Variants in ARHGEF28 observed in about 807,000 individuals in gnomAD.
ARHGEF28 encodes the protein Rho guanine nucleotide exchange factor 28, also known as 190 kDa guanine nucleotide exchange factor.
A neutral mutation model predicts 206.6 loss-of-function variants in ARHGEF28; 152 were observed. The ratio of observed to expected loss-of-function variants is 0.74; its 90% CI spans 0.64 to 0.84. ARHGEF28 has a LOEUF of 0.84. ARHGEF28 is among the 40% of genes least tolerant of loss of function. ARHGEF28 has a pLI of 0.00. For synonymous variants in ARHGEF28, 763 were observed against 776.4 expected, an observed-to-expected ratio of 0.98 and a Z score of 0.29; for missense variants, 2,028 against 2,073.2, an observed-to-expected ratio of 0.98 and a Z score of 0.42.
intron 16 of ARHGEF28, among the ~76,000 whole-genome samples, chr5:73,864,241 A>G (rs1206475830): frequency 1.3e-5 from 2 of 152,190 alleles, no homozygotes; most frequent in Non-Finnish European, 2.9e-5. Context: ...TTCCAGTGAG[A>G]TGACATTGTT....
Position 73,750,017 on chromosome 5 carries a change from A to G in ARHGEF28, c.181+33A>G, listed in dbSNP as rs758318686. On this transcript the variant is annotated intron_variant, in intron 3 of 35. Coordinates refer to ENST00000513042, the MANE Select transcript of ARHGEF28 (RefSeq NM_001177693.2). ...GTCCTCTTTGTTGTGCAGCTGGGAA[A>G]TTAGTCTGCAAATAACTTCCCTCCA... The G allele has an allele frequency of 8.7e-6, 14 of 1,607,758 alleles. No homozygotes were observed. The East Asian group carries it at 1.6e-4, about 18-fold the overall frequency.
chr5:73,779,688 C>T (rs953730948), intron 6 of ARHGEF28, among the ~76,000 whole-genome samples: 9 of 152,212 alleles, frequency 5.9e-5, no homozygotes, highest in Middle Eastern at 3.4e-3. Flanking sequence ...ATCACTACCC[C>T]TTAATATGGA....
intron 13 of ARHGEF28, among the ~76,000 whole-genome samples, chr5:73,850,281 T>G (rs1251483851): frequency 6.6e-6 from 1 of 152,048 alleles, no homozygotes; most frequent in African/African-American, 2.4e-5. Context: ...GATGTACTGT[T>G]AGAAGAGAAG....
At chr5:73,702,507 T>C (rs1190605268) in intron 2 of ARHGEF28, among the ~76,000 whole-genome samples, 2 of 152,216 alleles carry the variant, frequency 1.3e-5, no homozygotes, top group Non-Finnish European at 2.9e-5. Flanking sequence ...GGAACATTAA[T>C]GTACAAGTAT....
At chr5:73,799,750 T>C (rs1299314219) in intron 9 of ARHGEF28, among the ~76,000 whole-genome samples, 1 of 152,170 alleles carries the variant, frequency 6.6e-6, no homozygotes, top group Non-Finnish European at 1.5e-5. Flanking sequence ...AAACAAGAAC[T>C]GTGTGAGCAT....
At chr5:73,935,695 G>C (rs1176300346) in intron 35 of ARHGEF28, among the ~76,000 whole-genome samples, 1 of 152,132 alleles carries the variant, frequency 6.6e-6, no homozygotes, top group Non-Finnish European at 1.5e-5. Flanking sequence ...TAATGATAAA[G>C]CCCCCCGCCT....
intron 16 of ARHGEF28, among the ~76,000 whole-genome samples, chr5:73,859,569 A>C (rs188091179): frequency 2.0e-3 from 306 of 152,306 alleles, no homozygotes; most frequent in Middle Eastern, 6.8e-3. Flanking sequence ...ACTTTATTGC[A>C]TGTTTGAATT....
intron 9 of ARHGEF28, among the ~76,000 whole-genome samples, chr5:73,802,819 A>T (rs536077091): frequency 7.7e-6 from 1 of 129,248 alleles, no homozygotes; most frequent in Non-Finnish European, 1.7e-5. Flanking sequence ...AGGCATTTAC[A>T]AAAAAAAAAA....
At chr5:73,888,908 T>C (rs576327201) in intron 26 of ARHGEF28, among the ~76,000 whole-genome samples, 3 of 152,220 alleles carry the variant, frequency 2.0e-5, no homozygotes, top group Non-Finnish European at 1.5e-5. Flanking sequence ...TGTTTGGCTA[T>C]ACTGATACTA....
At chr5:73,866,593 C>A in intron 18 of ARHGEF28, among the ~76,000 whole-genome samples, 1 of 152,036 alleles carries the variant, frequency 6.6e-6, no homozygotes, top group East Asian at 1.9e-4. Flanking sequence ...TTAGAATGAC[C>A]GTGAAATTTC....
chr5:73,861,052 A>G (rs1759366767), intron 16 of ARHGEF28, among the ~76,000 whole-genome samples: 1 of 152,158 alleles, frequency 6.6e-6, no homozygotes, highest in African/African-American at 2.4e-5. Flanking sequence ...ACTCCTGCCT[A>G]TCACTTTCAT....
intron 5 of ARHGEF28, 147 bp downstream of exon 5, chr5:73,774,185 A>T: frequency 1.6e-6 from 1 of 632,012 alleles, no homozygotes; most frequent in Non-Finnish European, 2.4e-6. Flanking sequence ...ATATAAACAG[A>T]TATACTGGGA....
chr5:73,788,702 G>A (rs1038322223), intron 7 of ARHGEF28, among the ~76,000 whole-genome samples: 9 of 152,056 alleles, frequency 5.9e-5, no homozygotes, highest in African/African-American at 1.7e-4. Context: ...TTGTCTGCGT[G>A]TTTTATCAAA....
At chr5:73,643,612 C>T (rs1318910414) in intron 1 of ARHGEF28, among the ~76,000 whole-genome samples, 4 of 151,958 alleles carry the variant, frequency 2.6e-5, no homozygotes, top group African/African-American at 7.3e-5. Flanking sequence ...CACAGGAGTT[C>T]GAGACCAGCT....
chr5:73,921,048 T>C (rs779329901), intron 35 of ARHGEF28, among the ~76,000 whole-genome samples: 7 of 152,236 alleles, frequency 4.6e-5, no homozygotes, highest in Non-Finnish European at 7.3e-5. Context: ...AACTCTTTTT[T>C]TCTTCTGCTA....
intron 35 of ARHGEF28, among the ~76,000 whole-genome samples, chr5:73,915,748 T>C (rs1055815052): frequency 3.9e-5 from 6 of 152,216 alleles, no homozygotes; most frequent in African/African-American, 1.2e-4. Flanking sequence ...TTTGCCTTTT[T>C]CATTAACAGA....
chr5:73,852,571 T>C (rs1758771360), intron 13 of ARHGEF28, 79 bp from the exon 14 acceptor site: 10 of 1,218,558 alleles, frequency 8.2e-6, no homozygotes, highest in African/African-American at 1.5e-5. Flanking sequence ...TACAATATGG[T>C]TGAGTATGCA....
chr5:73,857,578 CACACACACAT>C (rs1759126401), intron 14 of ARHGEF28, 68 bp from the exon 15 acceptor site: 61 of 1,418,678 alleles, frequency 4.3e-5, no homozygotes, highest in Non-Finnish European at 5.5e-5. Flanking sequence ...CACACACACA[CACACACACAT>C]ACACACACAC....
intron 7 of ARHGEF28, among the ~76,000 whole-genome samples, chr5:73,789,643 AT>A (rs569325925): frequency 2.4e-4 from 36 of 152,096 alleles, no homozygotes; most frequent in African/African-American, 8.7e-4. Context: ...AGTTATATTG[AT>A]TTTTTTGTTT....
Sources: gnomAD v4.1 joint callset for allele counts (sites outside exome capture counted in the v4.1 genomes callset) on GRCh38, gnomAD v4.1.1 for gene constraint, MANE v1.5 for transcripts, NCBI Gene and HGNC (gene_info 2026-07-23, HGNC 2026-07-21) for gene names.